The following SLMAP variants were observed in gnomAD, a reference collection of about 807,000 sequenced individuals.
The protein encoded by SLMAP is sarcolemmal membrane-associated protein.
In SLMAP, 44 loss-of-function variants were observed where a neutral mutation model predicts 128.8. That is an observed-to-expected ratio of 0.34 (90% confidence interval 0.27 to 0.44). SLMAP has a LOEUF of 0.44. Ranked by LOEUF, SLMAP falls within the 20% of genes least tolerant of loss-of-function variation. The pLI is 1.00. For synonymous variants in SLMAP, 327 were observed against 348.8 expected (o/e 0.94, Z 0.70); for missense variants, 787 against 985.3 (o/e 0.80, Z 2.69).
At chr3:57,771,177 C>CCTCCCCTCCCCTCT (rs2080805122) in intron 2 of SLMAP, among the ~76,000 whole-genome samples, 1 of 88,504 alleles carries the variant, frequency 1.1e-5, no homozygotes, top group Non-Finnish European at 2.1e-5. Context: ...CCCTCCCCTC[C>CCTCCCCTCCCCTCT]CCTCTCCTCT....
intron 3 of SLMAP, among the ~76,000 whole-genome samples, chr3:57,836,480 G>A (rs2093647979): frequency 6.6e-6 from 1 of 152,128 alleles, no homozygotes; most frequent in African/African-American, 2.4e-5. Context: ...TCTGTTCTTA[G>A]CAATCCAAAA....
intron 2 of SLMAP, among the ~76,000 whole-genome samples, chr3:57,762,710 G>GTTTTTTTTTTTTTTT (rs752054975): frequency 9.3e-6 from 1 of 107,756 alleles, no homozygotes; most frequent in Non-Finnish European, 1.9e-5. Flanking sequence ...TAGTAGAATG[G>GTTTTTTTTTTTTTTT]TTTTTTTTTT....
rs1575931553 is a variant in SLMAP at position 57,757,494 on chromosome 3, T to G, written c.-158T>G. On this transcript the variant is annotated 5_prime_UTR_variant, in exon 2 of 25. Coordinates refer to ENST00000671191, the MANE Select transcript of SLMAP (RefSeq NM_001377540.1). ...GCGCTGGCTTGTCTTCCCACCCAAGTGAAGAGTTGATGTTCACTGGTTATG... is the reference window on the plus strand; with the variant it reads ...GCGCTGGCTTGTCTTCCCACCCAAGGGAAGAGTTGATGTTCACTGGTTATG... The G allele has an allele frequency of 1.5e-6, 1 of 664,880 alleles. No individual in the cohort carries two copies. 41.2% of individuals were successfully genotyped at this position (664,880 alleles called of 1,614,324 possible).
At chr3:57,815,018 C>T (rs151136584) in intron 2 of SLMAP, among the ~76,000 whole-genome samples, 92 of 152,150 alleles carry the variant, frequency 6.0e-4, no homozygotes, top group African/African-American at 2.0e-3. Context: ...ATTCCCTAAT[C>T]CAGCAGTCTC....
chr3:57,854,074 A>ATG (rs1577702048), intron 6 of SLMAP, among the ~76,000 whole-genome samples: 1 of 139,462 alleles, frequency 7.2e-6, no homozygotes, highest in Non-Finnish European at 1.5e-5. Context: ...CACATTATAT[A>ATG]TATATATTAT....
intron 14 of SLMAP, among the ~76,000 whole-genome samples, chr3:57,886,840 T>C (rs1161712788): frequency 1.3e-5 from 2 of 152,004 alleles, no homozygotes; most frequent in Non-Finnish European, 2.9e-5. Flanking sequence ...ATGTCATGTG[T>C]TATATTGTTT....
chr3:57,866,520 A>C (rs1688144462), intron 13 of SLMAP, among the ~76,000 whole-genome samples: 1 of 152,168 alleles, frequency 6.6e-6, no homozygotes, highest in African/African-American at 2.4e-5. Context: ...AACTCTCAAG[A>C]AAAATGTTCA....
chr3:57,886,335 G>C (rs1247994515), intron 14 of SLMAP, among the ~76,000 whole-genome samples: 1 of 151,604 alleles, frequency 6.6e-6, no homozygotes, highest in Non-Finnish European at 1.5e-5. Context: ...CTGACCTCAG[G>C]TTATCTACCC....
chr3:57,799,408 A>G (rs2087628122), intron 2 of SLMAP, among the ~76,000 whole-genome samples: 1 of 152,220 alleles, frequency 6.6e-6, no homozygotes, highest in African/African-American at 2.4e-5. Context: ...TCAAAGAATT[A>G]CTACCTTATG....
intron 17 of SLMAP, chr3:57,901,390 T>C (rs534671110): frequency 6.6e-6 from 1 of 152,368 alleles, no homozygotes; most frequent in African/African-American, 2.4e-5. Context: ...AGGGTTTTTT[T>C]GTTTGTTTGT....
intron 2 of SLMAP, among the ~76,000 whole-genome samples, chr3:57,775,775 C>T (rs1286834594): frequency 6.6e-6 from 1 of 152,114 alleles, no homozygotes; most frequent in African/African-American, 2.4e-5. Flanking sequence ...TCTTGGCTCA[C>T]TGCAACCTCT....
chr3:57,830,295 A>C (rs1190844969), intron 2 of SLMAP, among the ~76,000 whole-genome samples: 1 of 152,228 alleles, frequency 6.6e-6, no homozygotes, highest in Non-Finnish European at 1.5e-5. Flanking sequence ...GGCGTGAGCC[A>C]CCACACCTGG....
chr3:57,868,695 C>T (rs1258760054), intron 13 of SLMAP, among the ~76,000 whole-genome samples: 1 of 150,218 alleles, frequency 6.7e-6, no homozygotes, highest in Non-Finnish European at 1.5e-5. Flanking sequence ...CCACTGTACT[C>T]CAGCCTGGAC....
intron 14 of SLMAP, among the ~76,000 whole-genome samples, chr3:57,877,970 G>T (rs1560377432): frequency 6.6e-6 from 1 of 151,286 alleles, no homozygotes; most frequent in Non-Finnish European, 1.5e-5. Context: ...AAGTAGCTAG[G>T]ATTACAGGCA....
At chr3:57,775,989 A>T (rs2081857707) in intron 2 of SLMAP, among the ~76,000 whole-genome samples, 1 of 152,112 alleles carries the variant, frequency 6.6e-6, no homozygotes, top group African/African-American at 2.4e-5. Context: ...GTGAGCCACC[A>T]CGCCGGGCCA....
intron 5 of SLMAP, among the ~76,000 whole-genome samples, chr3:57,848,709 C>CTT (rs34568039): frequency 0.29 from 30,336 of 103,556 alleles, 6,008 homozygotes; most frequent in East Asian, 0.48. Flanking sequence ...CCTCCTACTC[C>CTT]TTTTTTTTTT....
At chr3:57,923,314 CTG>C (rs2096948909) in intron 23 of SLMAP, among the ~76,000 whole-genome samples, 1 of 152,206 alleles carries the variant, frequency 6.6e-6, no homozygotes, top group African/African-American at 2.4e-5. Context: ...GTCTGAAGCT[CTG>C]TCACTAAGCT....
chr3:57,779,228 T>C (rs1310974026), intron 2 of SLMAP, among the ~76,000 whole-genome samples: 1 of 152,028 alleles, frequency 6.6e-6, no homozygotes, highest in Admixed American at 6.6e-5. Context: ...GAAAAATCAG[T>C]TGGGCGCAGT....
Position 57,843,775 on chromosome 3 carries a change from CTTTTTTTTT to C in SLMAP, c.419+2418_419+2426del, listed in dbSNP as rs775541858. On this transcript the variant is annotated intron_variant, in intron 4 of 24. Transcript: ENST00000671191. ...TTCTCTCTCTTTCTTTCTTTTCTTT[CTTTTTTTTT>C]TTTTTTTTTTTTTGAGACAGAATCT... 1.5e-3 allele frequency among the ~76,000 whole-genome samples: 113 copies of C among 77,146 alleles called. No individual in the cohort carries two copies. The East Asian group carries it at 0.035, about 24-fold the overall frequency. 50.6% of individuals were successfully genotyped at this position (77,146 alleles called of 152,430 possible).
Sources: allele counts gnomAD v4.1 joint callset (sites outside exome capture counted in the v4.1 genomes callset), GRCh38; gene constraint gnomAD v4.1.1; transcripts MANE v1.5; gene names NCBI Gene and HGNC (gene_info 2026-07-23, HGNC 2026-07-21).